MTF1: variants seen among roughly 807,000 people sequenced by gnomAD.
MTF1 encodes MRE-binding transcription factor.
A neutral mutation model predicts 70.4 loss-of-function variants in MTF1; 22 were observed. The observed-to-expected ratio is 0.31, with a 90% CI of 0.22 to 0.45. The LOEUF (loss-of-function observed/expected upper bound fraction) is 0.45. MTF1 is among the 20% of genes least tolerant of loss of function. The pLI is 1.00. For synonymous variants in MTF1, 333 were observed against 352.8 expected (o/e 0.94, Z 0.63); for missense variants, 649 against 922.0 (o/e 0.70, Z 3.83).
intron 6 of MTF1, among the ~76,000 whole-genome samples, chr1:37,834,849 C>CT (rs2148410748): frequency 6.6e-6 from 1 of 152,334 alleles, no homozygotes; most frequent in African/African-American, 2.4e-5. Context: ...ACGAGGAAGA[C>CT]TGCAGGAAGA....
At chr1:37,850,612 G>A (rs1169204948) in intron 2 of MTF1, among the ~76,000 whole-genome samples, 2 of 152,104 alleles carry the variant, frequency 1.3e-5, no homozygotes, top group Non-Finnish European at 2.9e-5. Flanking sequence ...CAAATCAGTA[G>A]GGAGACAGTA....
At chr1:37,857,903 G>A (rs527387493) in intron 1 of MTF1, among the ~76,000 whole-genome samples, 194 bp from the exon 2 acceptor site, 17 of 151,882 alleles carry the variant, frequency 1.1e-4, no homozygotes, top group African/African-American at 4.1e-4. Flanking sequence ...CCGACTGGGC[G>A]TGGTGGCTCA....
intron 4 of MTF1, among the ~76,000 whole-genome samples, chr1:37,836,078 C>T (rs1453087367): frequency 5.3e-5 from 8 of 152,086 alleles, no homozygotes; most frequent in East Asian, 1.9e-4. Flanking sequence ...GGATTACAGA[C>T]GTGAACCACT....
intron 4 of MTF1, among the ~76,000 whole-genome samples, chr1:37,836,493 C>T (rs1259880530): frequency 3.3e-5 from 5 of 152,082 alleles, no homozygotes; most frequent in Non-Finnish European, 5.9e-5. Context: ...TCTTGTGTGT[C>T]GAGATCTACT....
intron 1 of MTF1, among the ~76,000 whole-genome samples, chr1:37,858,068 A>G (rs558195934): frequency 1.8e-4 from 28 of 152,110 alleles, no homozygotes; most frequent in East Asian, 1.3e-3. Context: ...CAAAAACTGA[A>G]TAAGTTCATA....
intron 7 of MTF1, among the ~76,000 whole-genome samples, 156 bp from the exon 8 acceptor site, chr1:37,823,968 C>T (rs1640962946): frequency 6.6e-6 from 1 of 151,992 alleles, no homozygotes; most frequent in Admixed American, 6.6e-5. Context: ...TTTTCTTAAG[C>T]CTTAGACACT....
rs567176453 is a variant in MTF1, at chr1:37,824,047, G to A, written c.1069-235C>T. Among the ~76,000 whole-genome samples the A allele has an allele frequency of 2.9e-4, 44 of 151,944 alleles. No homozygotes were observed. In the South Asian group the frequency reaches 8.6e-3, roughly 30 times the overall value. On this transcript the variant is annotated intron_variant, in intron 7 of 10. Coordinates refer to ENST00000373036, the MANE Select transcript of MTF1 (RefSeq NM_005955.3). ...TTTAATAGAGACAGAATCTCACTAC[G>A]TTGCCCAGGCTGGTCTTGAACTCCT...
At chr1:37,825,878 A>T (rs1640995034) in intron 7 of MTF1, among the ~76,000 whole-genome samples, 1 of 152,198 alleles carries the variant, frequency 6.6e-6, no homozygotes, top group Admixed American at 6.5e-5. Context: ...AATATCTGCT[A>T]ATCTAAACTG....
intron 1 of MTF1, among the ~76,000 whole-genome samples, chr1:37,857,960 T>A (rs1334555955): frequency 6.7e-6 from 1 of 150,252 alleles, no homozygotes; most frequent in Non-Finnish European, 1.5e-5. Flanking sequence ...GAGGATCGCT[T>A]GAGGCCAGGA....
At chr1:37,858,208 T>C (rs1252727598) in intron 1 of MTF1, among the ~76,000 whole-genome samples, 1 of 152,126 alleles carries the variant, frequency 6.6e-6, no homozygotes, top group African/African-American at 2.4e-5. Context: ...ACTCCATCCA[T>C]TCAAATATCC....
chr1:37,845,582 C>G (rs911205682), intron 2 of MTF1, among the ~76,000 whole-genome samples: 2 of 152,196 alleles, frequency 1.3e-5, no homozygotes, highest in Non-Finnish European at 2.9e-5. Context: ...GATCTCAGCT[C>G]ACTACAGCCT....
Position 37,840,473 on chromosome 1 carries a change from AT to A in MTF1, c.409-316del. On this transcript the variant is annotated intron_variant, in intron 2 of 10. Transcript: ENST00000373036. This position sits in a 1 kb window ranked among gnomAD's most constrained non-coding sequence, Gnocchi z 4.5. ...ACACTATACTGTTACAGCTACCTGT[AT>A]TCAGATAAGATCTTAACTTTGTTTT... 2.0e-6 allele frequency: 1 copy of A among 489,394 alleles called. No individual in the cohort carries two copies. The highest frequency in any genetic ancestry group is 4.0e-6 in the Non-Finnish European group (1 of 249,364). 30.3% of individuals were successfully genotyped at this position (489,394 alleles called of 1,614,324 possible).
chr1:37,850,057 G>C lies in MTF1; in HGVS notation c.408+7194C>G, dbSNP rs146524638. Among the ~76,000 whole-genome samples, 1,034 of 151,520 alleles carry C rather than the reference G, an allele frequency of 6.8e-3. 8 individuals are homozygous for C. Among genetic ancestry groups the C allele is most frequent in the Non-Finnish European group, 0.011 (740 of 67,832 alleles). On this transcript the variant is annotated intron_variant, in intron 2 of 10. Coordinates refer to ENST00000373036, the MANE Select transcript of MTF1 (RefSeq NM_005955.3). Reference sequence around the variant, plus strand: ...CAGGATTTTGGAACCAGCCCATAGTGAGACCCCTCTCTACCAAAACAACCA... The same window carrying C: ...CAGGATTTTGGAACCAGCCCATAGTCAGACCCCTCTCTACCAAAACAACCA...
At chr1:37,849,979 A>G (rs1345830984) in intron 2 of MTF1, among the ~76,000 whole-genome samples, 2 of 152,240 alleles carry the variant, frequency 1.3e-5, no homozygotes, top group African/African-American at 2.4e-5. Context: ...ATGGTGGCTC[A>G]TGCCGGTAAT....
chr1:37,840,607 T>C lies in MTF1; in HGVS notation c.409-449A>G. The C allele has an allele frequency of 2.4e-6, 1 of 424,356 alleles. No individual in the cohort carries two copies. The highest frequency in any genetic ancestry group is 4.7e-6 in the Non-Finnish European group (1 of 213,670). 26.3% of individuals were successfully genotyped at this position (424,356 alleles called of 1,614,324 possible). The stretch of plus-strand genomic sequence containing the variant: ...AATTTACATACTTAATCATCAAACA[T>C]ATTTCCCTAGATTGTTTCCACTGCA... On this transcript the variant is annotated intron_variant, in intron 2 of 10. Transcript: ENST00000373036. This position sits in a 1 kb window ranked among gnomAD's most constrained non-coding sequence, Gnocchi z 4.5.
intron 9 of MTF1, among the ~76,000 whole-genome samples, chr1:37,817,814 CT>C (rs1205361653): frequency 1.3e-5 from 2 of 152,226 alleles, no homozygotes; most frequent in East Asian, 3.8e-4. Context: ...CCAGGGCTAG[CT>C]TTCCTTCAGG....
intron 9 of MTF1, 125 bp from the exon 10 acceptor site, chr1:37,817,607 T>A (rs1193352791): frequency 2.8e-6 from 2 of 711,518 alleles, no homozygotes; most frequent in East Asian, 5.0e-5. Flanking sequence ...TCAGGGATTT[T>A]TGTACTGAGT....
chr1:37,832,536 TTTG>T (rs1295924344), intron 6 of MTF1, among the ~76,000 whole-genome samples: 2 of 152,204 alleles, frequency 1.3e-5, no homozygotes, highest in East Asian at 3.8e-4. Context: ...AATGTGCAGG[TTTG>T]TTACATTATG....
At chr1:37,853,945 AC>A (rs1417093755) in intron 2 of MTF1, among the ~76,000 whole-genome samples, 2 of 152,196 alleles carry the variant, frequency 1.3e-5, no homozygotes, top group African/African-American at 2.4e-5. Context: ...GTTGAAATGA[AC>A]CCCCCTACAA....
Sources: allele counts gnomAD v4.1 joint callset (sites outside exome capture counted in the v4.1 genomes callset), GRCh38; gene constraint gnomAD v4.1.1; non-coding constraint Gnocchi (gnomAD v3.1); transcripts MANE v1.5; gene names NCBI Gene and HGNC (gene_info 2026-07-23, HGNC 2026-07-21).